Variants in PTGER3 observed in about 807,000 individuals in gnomAD.
The protein encoded by PTGER3 is prostaglandin E2 receptor EP3 subtype.
PTGER3 carries 22 observed loss-of-function variants against 34.7 expected under a neutral mutation model. The observed-to-expected ratio is 0.63, with a 90% CI of 0.45 to 0.91. The LOEUF is 0.91. PTGER3 is among the 40% of genes least tolerant of loss of function. PTGER3 has a pLI of 0.00. For synonymous variants in PTGER3, 241 were observed against 230.1 expected (o/e 1.05, Z -0.43); for missense variants, 468 against 519.4 (o/e 0.90, Z 0.96).
chr1:70,981,562 C>G (rs1362497822), intron 2 of PTGER3, among the ~76,000 whole-genome samples: 1 of 151,768 alleles, frequency 6.6e-6, no homozygotes. Context: ...GCATGCATCA[C>G]CACACCCTGC....
intron 4 of PTGER3, among the ~76,000 whole-genome samples, chr1:70,913,251 A>G: frequency 6.6e-6 from 1 of 151,756 alleles, no homozygotes; most frequent in East Asian, 1.9e-4. Context: ...CATATTTTTG[A>G]TGCTATTATA....
intron 2 of PTGER3, chr1:71,012,021 T>C (rs1657490969): frequency 1.4e-6 from 2 of 1,407,604 alleles, no homozygotes; most frequent in East Asian, 2.6e-5. Flanking sequence ...CTGTTATTAA[T>C]ATATTTTCCT....
At chr1:71,026,659 T>C (rs1307834963) in intron 1 of PTGER3, among the ~76,000 whole-genome samples, 2 of 151,016 alleles carry the variant, frequency 1.3e-5, no homozygotes, top group African/African-American at 4.8e-5. Flanking sequence ...ATTATATTAT[T>C]TAGATTAATA....
Position 71,047,653 on chromosome 1 carries a change from C to T in PTGER3, c.-76G>A. On this transcript the variant is annotated 5_prime_UTR_variant, in exon 1 of 4. Transcript: ENST00000306666. ...GGGGCAGACGCGGCGCGGGCGGCGG[C>T]GGAGGTCGGCGTTTACCGCGGCTGG... 2 of 1,434,866 alleles carry T rather than the reference C, an allele frequency of 1.4e-6. No individual in the cohort carries two copies. Among genetic ancestry groups the T allele is most frequent in the Non-Finnish European group, 1.8e-6 (2 of 1,085,582 alleles). The allele number at this position is 1,434,866 out of a possible 1,614,324, so 88.9% of individuals were successfully genotyped here. A position where few individuals can be genotyped will look rare whatever the true frequency, so the allele number is the denominator to read the frequency against.
intron 1 of PTGER3, among the ~76,000 whole-genome samples, chr1:71,029,073 C>G (rs1431009533): frequency 3.3e-5 from 5 of 152,154 alleles, no homozygotes; most frequent in African/African-American, 1.2e-4. Flanking sequence ...ACTGATGTCA[C>G]CTACATTTCA....
chr1:71,025,206 A>G (rs1169293147), intron 1 of PTGER3, among the ~76,000 whole-genome samples: 1 of 133,562 alleles, frequency 7.5e-6, no homozygotes, highest in Non-Finnish European at 1.6e-5. Context: ...TCTTATTATA[A>G]TTAGCCAGGA....
At chr1:70,873,633 T>C (rs1372133115) in intron 4 of PTGER3, among the ~76,000 whole-genome samples, 1 of 151,336 alleles carries the variant, frequency 6.6e-6, no homozygotes, top group Non-Finnish European at 1.5e-5. Context: ...AGTTCTTTAG[T>C]GGCGATATGT....
intron 4 of PTGER3, among the ~76,000 whole-genome samples, chr1:70,924,917 T>C (rs773060280): frequency 4.6e-5 from 7 of 152,200 alleles, no homozygotes; most frequent in Non-Finnish European, 8.8e-5. Flanking sequence ...TAGCCAAAGA[T>C]GAACTGAGAC....
At chr1:70,948,733 GA>G (rs1194673221), downstream of PTGER3, among the ~76,000 whole-genome samples, 6 of 152,030 alleles carry the variant, frequency 3.9e-5, no homozygotes, top group Non-Finnish European at 7.4e-5. Context: ...ATGTTTCACT[GA>G]AGCAGATTTT....
At chr1:70,917,403 T>TGTGTGTGTGTG (rs1647199801) in intron 4 of PTGER3, among the ~76,000 whole-genome samples, 19 of 136,276 alleles carry the variant, frequency 1.4e-4, no homozygotes, top group Non-Finnish European at 2.3e-4. Context: ...GTATTTTATT[T>TGTGTGTGTGTG]TGTGTGTGTG....
intron 4 of PTGER3, among the ~76,000 whole-genome samples, chr1:70,887,741 G>A (rs1030424471): frequency 2.6e-5 from 4 of 152,032 alleles, no homozygotes; most frequent in African/African-American, 7.2e-5. Context: ...TTTTGCTTGT[G>A]AGCTGGCTGA....
chr1:70,913,947 T>C (rs187049180), intron 4 of PTGER3, among the ~76,000 whole-genome samples: 2 of 151,890 alleles, frequency 1.3e-5, no homozygotes, highest in African/African-American at 4.8e-5. Context: ...TGTAACGTCT[T>C]TTTTGAGTTT....
downstream of PTGER3, among the ~76,000 whole-genome samples, chr1:70,951,832 A>C (rs146066884): frequency 1.3e-4 from 20 of 152,310 alleles, no homozygotes; most frequent in African/African-American, 4.6e-4. Context: ...TAGACAGACA[A>C]ACAGAAACAA....
At chr1:70,852,833 C>A in exon 5 of PTGER3, 1 of 1,613,304 alleles carries the variant, frequency 6.2e-7, no homozygotes, top group Admixed American at 1.7e-5. Context: ...GGCAGAAAGG[C>A]AGGTTTTAAT....
intron 1 of PTGER3, among the ~76,000 whole-genome samples, chr1:71,041,131 A>C (rs1251756417): frequency 6.6e-6 from 1 of 152,234 alleles, no homozygotes; most frequent in African/African-American, 2.4e-5. Flanking sequence ...ACTCACTGTC[A>C]GTTGAAAATA....
intron 1 of PTGER3, 88 bp downstream of exon 1, chr1:71,046,593 C>T: frequency 6.9e-7 from 1 of 1,446,964 alleles, no homozygotes; most frequent in South Asian, 1.4e-5. Flanking sequence ...GCAAACACAC[C>T]CCTGCGGGTG....
At chr1:71,021,214 C>T (rs1658389646) in intron 1 of PTGER3, among the ~76,000 whole-genome samples, 1 of 152,110 alleles carries the variant, frequency 6.6e-6, no homozygotes, top group African/African-American at 2.4e-5. Context: ...TATTCAGTTA[C>T]TGGATATGGA....
At chr1:70,990,107 A>G (rs1398496070) in intron 2 of PTGER3, among the ~76,000 whole-genome samples, 2 of 151,898 alleles carry the variant, frequency 1.3e-5, no homozygotes, top group Non-Finnish European at 2.9e-5. Context: ...TAATGCCAGC[A>G]CTTTGGGAGG....
chr1:70,996,078 C>T (rs927245752), intron 2 of PTGER3, among the ~76,000 whole-genome samples: 15 of 152,166 alleles, frequency 9.9e-5, no homozygotes, highest in African/African-American at 3.6e-4. Flanking sequence ...TTCCATAAGG[C>T]TACTCATTGC....
Sources: gnomAD v4.1 joint callset for allele counts (sites outside exome capture counted in the v4.1 genomes callset) on GRCh38, gnomAD v4.1.1 for gene constraint, MANE v1.5 for transcripts, NCBI Gene and HGNC (gene_info 2026-07-23, HGNC 2026-07-21) for gene names.